Variants in IQCM observed in about 807,000 individuals in gnomAD.
The protein encoded by IQCM is IQ motif containing M.
IQCM carries 45 observed loss-of-function variants against 57.6 expected under a neutral mutation model. The ratio of observed to expected loss-of-function variants is 0.78; its 90% CI spans 0.62 to 1.00. IQCM has a LOEUF of 1.00. IQCM is among the 50% of genes least tolerant of loss of function. The pLI is 0.00. For synonymous variants in IQCM, 148 were observed against 158.9 expected (o/e 0.93, Z 0.51); for missense variants, 468 against 511.6 (o/e 0.91, Z 0.82).
intron 7 of IQCM, among the ~76,000 whole-genome samples, chr4:149,664,497 T>C (rs1201564053): frequency 6.6e-6 from 1 of 152,128 alleles, no homozygotes; most frequent in Non-Finnish European, 1.5e-5. Context: ...TTGGCTATGG[T>C]GCATTGGCTT....
intron 12 of IQCM, among the ~76,000 whole-genome samples, chr4:149,501,617 T>C (rs1392287364): frequency 6.6e-6 from 1 of 152,082 alleles, no homozygotes; most frequent in African/African-American, 2.4e-5. Flanking sequence ...TAGTAAATTA[T>C]ACAAAAAAGT....
intron 2 of IQCM, among the ~76,000 whole-genome samples, chr4:149,768,346 A>T (rs913522297): frequency 6.6e-5 from 10 of 152,034 alleles, no homozygotes; most frequent in Non-Finnish European, 1.5e-4. Flanking sequence ...AGAATTCGAA[A>T]ATTTTACTTT....
At chr4:149,673,699 C>T (rs1233255526) in intron 7 of IQCM, among the ~76,000 whole-genome samples, 1 of 152,092 alleles carries the variant, frequency 6.6e-6, no homozygotes, top group African/African-American at 2.4e-5. Context: ...CCACTGTCAA[C>T]ATTAGACAGA....
At chr4:149,410,385 C>T (rs374916799) in intron 13 of IQCM, among the ~76,000 whole-genome samples, 6 of 151,470 alleles carry the variant, frequency 4.0e-5, no homozygotes, top group South Asian at 4.2e-4. Flanking sequence ...CCCTCTTGGA[C>T]GGAGATTGTT....
intron 12 of IQCM, among the ~76,000 whole-genome samples, chr4:149,448,556 C>T (rs1736753267): frequency 6.6e-6 from 1 of 150,954 alleles, no homozygotes; most frequent in Admixed American, 6.6e-5. Flanking sequence ...ATCAATGAAA[C>T]AAAAAATATT....
intron 13 of IQCM, among the ~76,000 whole-genome samples, chr4:149,424,688 T>C (rs1323198256): frequency 6.6e-6 from 1 of 151,908 alleles, no homozygotes; most frequent in Non-Finnish European, 1.5e-5. Context: ...ACTACAAATA[T>C]TCAATGACAT....
At chr4:149,461,654 CAAA>C (rs57953107) in intron 12 of IQCM, among the ~76,000 whole-genome samples, 2 of 64,304 alleles carry the variant, frequency 3.1e-5, no homozygotes, top group African/African-American at 4.7e-5. Flanking sequence ...ACCCAGTCTC[CAAA>C]AAAAAAAAAA....
chr4:149,529,112 G>A (rs1196830018), intron 12 of IQCM, among the ~76,000 whole-genome samples: 1 of 152,074 alleles, frequency 6.6e-6, no homozygotes, highest in African/African-American at 2.4e-5. Context: ...CACTCAGGCT[G>A]GAGAGCAGTA....
At chr4:149,442,945 CACACACACAGAGAG>C (rs1224638777) in intron 12 of IQCM, among the ~76,000 whole-genome samples, 13 of 55,444 alleles carry the variant, frequency 2.3e-4, no homozygotes, top group South Asian at 2.3e-3. Context: ...CACACACACA[CACACACACAGAGAG>C]AGAGAGAGAG....
rs146152846 is a variant in IQCM at position 149,352,948 on chromosome 4, T to C, written c.1391-882A>G. Among the ~76,000 whole-genome samples, 98 of 152,276 alleles carry C rather than the reference T, an allele frequency of 6.4e-4. 2 individuals are homozygous for C. In the East Asian group the frequency reaches 0.018, roughly 28 times the overall value. On this transcript the variant is annotated intron_variant, in intron 13 of 13. Coordinates refer to ENST00000636793, the MANE Select transcript of IQCM (RefSeq NM_001363507.2). The stretch of plus-strand genomic sequence containing the variant: ...GTTATTAAACAAAAACATAACCAGC[T>C]GCCAAAATCCAGTTAAAATTATAAG...
chr4:149,434,527 AT>A (rs1735165375), intron 12 of IQCM, among the ~76,000 whole-genome samples: 1 of 151,974 alleles, frequency 6.6e-6, no homozygotes, highest in Non-Finnish European at 1.5e-5. Flanking sequence ...AATTACATAT[AT>A]TTCCCTCCTT....
At chr4:149,475,703 CA>C (rs1740113340) in intron 12 of IQCM, among the ~76,000 whole-genome samples, 1 of 151,262 alleles carries the variant, frequency 6.6e-6, no homozygotes, top group Non-Finnish European at 1.5e-5. Flanking sequence ...GGATGAAAGC[CA>C]AAAAAGTGGG....
chr4:149,407,326 A>G (rs1005959541), intron 13 of IQCM, among the ~76,000 whole-genome samples: 1 of 152,142 alleles, frequency 6.6e-6, no homozygotes, highest in African/African-American at 2.4e-5. Flanking sequence ...ATTAATTTTT[A>G]AACAAATTTT....
At chr4:149,356,605 T>C (rs1225911706) in intron 13 of IQCM, among the ~76,000 whole-genome samples, 2 of 152,188 alleles carry the variant, frequency 1.3e-5, no homozygotes, top group African/African-American at 4.8e-5. Context: ...TTGGTCTATA[T>C]CTCTGTTTTG....
chr4:149,592,562 G>A (rs1753303874), intron 8 of IQCM, among the ~76,000 whole-genome samples: 2 of 151,846 alleles, frequency 1.3e-5, no homozygotes, highest in South Asian at 4.1e-4. Context: ...TATTGCCTAG[G>A]TTTTCTTCTA....
At chr4:149,778,947 C>CT (rs1443009455) in intron 2 of IQCM, among the ~76,000 whole-genome samples, 1 of 152,128 alleles carries the variant, frequency 6.6e-6, no homozygotes, top group Non-Finnish European at 1.5e-5. Context: ...TCTATACAAT[C>CT]TCTTCTAGAA....
intron 13 of IQCM, among the ~76,000 whole-genome samples, chr4:149,422,880 A>G (rs1013116294): frequency 6.6e-6 from 1 of 152,054 alleles, no homozygotes; most frequent in African/African-American, 2.4e-5. Context: ...AGAAACTATG[A>G]CAAAATAATA....
At chr4:149,595,199 C>A (rs963534983) in intron 8 of IQCM, among the ~76,000 whole-genome samples, 1 of 152,116 alleles carries the variant, frequency 6.6e-6, no homozygotes, top group African/African-American at 2.4e-5. Context: ...GATCCCTTTA[C>A]CATTATGTAA....
chr4:149,488,271 T>C (rs1281884042), intron 12 of IQCM, among the ~76,000 whole-genome samples: 1 of 152,152 alleles, frequency 6.6e-6, no homozygotes, highest in Non-Finnish European at 1.5e-5. Flanking sequence ...TAATTTGCCT[T>C]ACACATATTT....
Sources: allele counts gnomAD v4.1 joint callset (sites outside exome capture counted in the v4.1 genomes callset), GRCh38; gene constraint gnomAD v4.1.1; transcripts MANE v1.5; gene names NCBI Gene and HGNC (gene_info 2026-07-23, HGNC 2026-07-21).